The following COL12A1 variants were observed in gnomAD, a reference collection of about 807,000 sequenced individuals.
COL12A1 encodes collagen alpha-1(XII) chain.
In COL12A1, 114 loss-of-function variants were observed where a neutral mutation model predicts 349.7. The observed-to-expected ratio is 0.33, with a 90% CI of 0.28 to 0.38. The LOEUF is 0.38. COL12A1 is among the 10% of genes least tolerant of loss of function. COL12A1 has a pLI of 1.00. For missense variants in COL12A1, 3,284 were observed against 3,756.9 expected (o/e 0.87, Z 3.29); for synonymous variants, 1,369 against 1,329.0 (o/e 1.03, Z -0.66).
chr6:75,113,378 C>A, intron 50 of COL12A1, 65 bp from the exon 51 acceptor site: 1 of 1,102,550 alleles, frequency 9.1e-7, no homozygotes, highest in Non-Finnish European at 1.3e-6. Flanking sequence ...AAAGTATTAG[C>A]AAATAATTCT....
intron 60 of COL12A1, among the ~76,000 whole-genome samples, chr6:75,092,717 C>T (rs539525460): frequency 1.3e-5 from 2 of 151,264 alleles, no homozygotes; most frequent in African/African-American, 4.9e-5. Context: ...ACACAAAAAC[C>T]AGAATGATAT....
intron 11 of COL12A1, among the ~76,000 whole-genome samples, chr6:75,179,934 C>A (rs1188223714): frequency 1.3e-5 from 2 of 152,194 alleles, no homozygotes; most frequent in African/African-American, 2.4e-5. Context: ...AATGTGCACA[C>A]CATGTTCATA....
Position 75,181,016 on chromosome 6 carries a change from A to C in COL12A1, c.2087T>G (p.Leu696Trp). The change falls in exon 11 of 66, where the codon TTG becomes TGG. Residue 696 changes from leucine to tryptophan, a missense_variant. This residue lies in a region of COL12A1 where 2,601 missense variants were observed against 2,824.8 expected (regional missense o/e 0.92). Transcript: ENST00000322507. The part of the protein sequence containing the change: ...VVLSSLKPET[L>W]YLVNVTAEYE... ...CTCCGCAGTCACATTGACCAAATAC[A>C]AGGTCTCTGGCTTCAGGCTGCTGAG... 9 of 1,614,080 alleles carry C rather than the reference A, an allele frequency of 5.6e-6. No homozygotes were observed. Among genetic ancestry groups the C allele is most frequent in the Non-Finnish European group, 7.6e-6 (9 of 1,180,020 alleles).
At chr6:75,167,296 T>G (rs1768359279) in intron 13 of COL12A1, among the ~76,000 whole-genome samples, 1 of 152,272 alleles carries the variant, frequency 6.6e-6, no homozygotes, top group African/African-American at 2.4e-5. Context: ...GTTTTAAATG[T>G]ACAGCACGTT....
At position 75,147,772 on chromosome 6, in the gene COL12A1, C is replaced by T; in HGVS notation, c.4320G>A (p.Val1440=). The T allele has an allele frequency of 6.2e-7, 1 of 1,613,486 alleles. No homozygotes were observed. Residue 1440 remains valine (V), a synonymous_variant, in exon 23 of 66, where the codon GTG becomes GTA. Transcript: ENST00000322507. ...CAGTTTCAGGTTTCAGATCTTTCAG[C>T]ACTGTGCTAGTTTCCATTCGACTCA... ...FYVSRMETST[V]LKDLKPETEY... is the part of the protein sequence containing the mutation.
Position 75,133,840 on chromosome 6 carries a change from A to G in COL12A1, c.5664+18T>C, listed in dbSNP as rs1223238717. 1 of 1,612,734 alleles carries G rather than the reference A, an allele frequency of 6.2e-7. No individual in the cohort carries two copies. The highest frequency in any genetic ancestry group is 1.7e-5 in the Admixed American group (1 of 59,656). On this transcript the variant is annotated intron_variant, in intron 33 of 65. Transcript: ENST00000322507. Reference sequence around the variant, plus strand: ...CCATTTAAACAAACTAGCATTTTTTACTACAAGAAATAATTACCAGTTCCT... The same window carrying G: ...CCATTTAAACAAACTAGCATTTTTTGCTACAAGAAATAATTACCAGTTCCT...
In COL12A1 at chr6:75,133,827, A is replaced by G. The variant is rs762189650; in HGVS notation, c.5664+31T>C. ...AATCACTCAGCTACCATTTAAACAA[A>G]CTAGCATTTTTTACTACAAGAAATA... On this transcript the variant is annotated intron_variant, in intron 33 of 65. Transcript: ENST00000322507. The G allele has an allele frequency of 3.1e-6, 5 of 1,612,854 alleles. No homozygotes were observed. The South Asian group carries it at 3.3e-5, about 11-fold the overall frequency.
intron 27 of COL12A1, among the ~76,000 whole-genome samples, chr6:75,140,655 C>CAAAAAAAAAAAAAAAAAAAAAAAAAAAA (rs1236499281): frequency 2.2e-5 from 1 of 46,134 alleles, no homozygotes; most frequent in African/African-American, 9.0e-5. Context: ...GACTCTGTCT[C>CAAAAAAAAAAAAAAAAAAAAAAAAAAAA]AAAAAAAAAA....
rs1165409374 is a variant in COL12A1, at chr6:75,181,204, G to T, written c.1899C>A (p.Val633=). The T allele has an allele frequency of 2.0e-6, 3 of 1,538,120 alleles. No individual in the cohort carries two copies. In the African/African-American group the frequency reaches 5.0e-5, roughly 26 times the overall value. The change falls in exon 11 of 66, where the codon GTC becomes GTA. Residue 633 remains valine, a synonymous_variant. Coordinates refer to ENST00000322507, the MANE Select transcript of COL12A1 (RefSeq NM_004370.6). ...ELAAIKKKAY[V]PPKDLSFSEV... ...CTGAAAAACTAAGATCCTTTGGAGG[G>T]ACGTAAGCTATTTAAAAAAAAAAAA...
rs1267547688 is a variant in COL12A1 at position 75,180,460 on chromosome 6, G to A, written c.2164+479C>T. On this transcript the variant is annotated intron_variant, in intron 11 of 65. Coordinates refer to ENST00000322507, the MANE Select transcript of COL12A1 (RefSeq NM_004370.6). ...GCACAACAAGGTGAATGTACTTAAT[G>A]CCACTAAAATGTGCACTCAAAAAAT... Among the ~76,000 whole-genome samples the A allele has an allele frequency of 2.0e-5, 3 of 151,986 alleles. No individual in the cohort carries two copies. The East Asian group carries it at 5.8e-4, about 29-fold the overall frequency.
chr6:75,121,087 A>T (rs554998629), intron 44 of COL12A1, among the ~76,000 whole-genome samples: 5 of 152,350 alleles, frequency 3.3e-5, no homozygotes, highest in African/African-American at 1.2e-4. Context: ...CAGGAATATT[A>T]TCTAGCCAAA....
chr6:75,098,185 T>C (rs1768141167), intron 58 of COL12A1, among the ~76,000 whole-genome samples: 1 of 152,286 alleles, frequency 6.6e-6, no homozygotes, highest in East Asian at 1.9e-4. Context: ...TTTTAACACA[T>C]GCTCTCAAGT....
In COL12A1 at chr6:75,119,072, T is replaced by C. The variant is rs1289299229; in HGVS notation, c.7325A>G (p.Lys2442Arg). 6 of 1,613,892 alleles carry C rather than the reference T, an allele frequency of 3.7e-6. No homozygotes were observed. Among genetic ancestry groups the C allele is most frequent in the African/African-American group, 2.7e-5 (2 of 74,910 alleles). Residue 2442 changes from lysine (K) to arginine (R), a missense_variant, in exon 46 of 66, where the codon AAG becomes AGG. This residue lies in a region of COL12A1 where 683 missense variants were observed against 932.1 expected (regional missense o/e 0.73). Coordinates refer to ENST00000322507, the MANE Select transcript of COL12A1 (RefSeq NM_004370.6). ...CTGCTGGATGACCAAAGCCGCCTTC[T>C]TGACCTCATCCTGGGACCGACCGTC... The part of the protein sequence containing the change: ...VTDGRSQDEV[K>R]KAALVIQQSG...
rs1768853758 is a variant in COL12A1 at position 75,175,070 on chromosome 6, T to C, written c.2678A>G (p.Asp893Gly). The C allele has an allele frequency of 6.2e-7, 1 of 1,614,052 alleles. No homozygotes were observed. The highest frequency in any genetic ancestry group is 8.5e-7 in the Non-Finnish European group (1 of 1,179,988). ...TGTTGTTCCTTCACCAAAGAGGGCGTCTCCAGCCCCAGACGCATACAAGGC... is the reference window on the plus strand; with the variant it reads ...TGTTGTTCCTTCACCAAAGAGGGCGCCTCCAGCCCCAGACGCATACAAGGC... ...VTALYASGAG[D>G]ALFGEGTTLE... The change falls in exon 13 of 66, where the codon GAC becomes GGC. Residue 893 changes from aspartate (D) to glycine (G), a missense_variant. By Grantham distance (94) the Asp-to-Gly change is moderately conservative. This residue lies in a region of COL12A1 where 2,601 missense variants were observed against 2,824.8 expected (regional missense o/e 0.92). Transcript: ENST00000322507.
intron 57 of COL12A1, 154 bp downstream of exon 57, chr6:75,101,845 A>G: frequency 2.0e-6 from 2 of 992,024 alleles, no homozygotes; most frequent in Admixed American, 2.1e-5. Context: ...GAATAGCACC[A>G]ACTTGAAGGT....
chr6:75,149,742 T>A (rs918710859), intron 21 of COL12A1, among the ~76,000 whole-genome samples: 1 of 152,156 alleles, frequency 6.6e-6, no homozygotes, highest in African/African-American at 2.4e-5. Context: ...TCTTAACTTT[T>A]ATTGTACTTG....
At chr6:75,127,806 C>T (rs569454736) in intron 38 of COL12A1, among the ~76,000 whole-genome samples, 1 of 152,194 alleles carries the variant, frequency 6.6e-6, no homozygotes, top group South Asian at 2.1e-4. Flanking sequence ...TAATTCTATG[C>T]AAATTGCTTA....
chr6:75,132,978 CACA>C (rs1186661624), intron 34 of COL12A1, among the ~76,000 whole-genome samples: 4 of 152,172 alleles, frequency 2.6e-5, no homozygotes, highest in Non-Finnish European at 4.4e-5. Context: ...TAAAGTCCTT[CACA>C]ACAATTTATA....
At chr6:75,182,356 C>T (rs569702914) in intron 10 of COL12A1, among the ~76,000 whole-genome samples, 4 of 152,070 alleles carry the variant, frequency 2.6e-5, no homozygotes, top group African/African-American at 9.6e-5. Context: ...GCCATCCCTC[C>T]CCCAGCCCCC....
Sources: gnomAD v4.1 joint callset for allele counts (sites outside exome capture counted in the v4.1 genomes callset) on GRCh38, gnomAD v4.1.1 for gene constraint, gnomAD v4.1.1 regional missense constraint, MANE v1.5 for transcripts, NCBI Gene and HGNC (gene_info 2026-07-23, HGNC 2026-07-21) for gene names.